Variants in NDUFA10 observed in about 807,000 individuals in gnomAD.
The protein encoded by NDUFA10 is NADH:ubiquinone oxidoreductase subunit A10.
A neutral mutation model predicts 47.8 loss-of-function variants in NDUFA10; 40 were observed. The ratio of observed to expected loss-of-function variants is 0.84; its 90% confidence interval spans 0.65 to 1.09. The LOEUF (loss-of-function observed/expected upper bound fraction) is 1.09, where lower values mean the gene tolerates loss of function less well. NDUFA10 is among the 50% of genes least tolerant of loss of function. The pLI is 0.00. For missense variants in NDUFA10, 413 were observed against 451.1 expected, an observed-to-expected ratio of 0.92 and a Z score of 0.76; for synonymous variants, 183 against 172.2, an observed-to-expected ratio of 1.06 and a Z score of -0.49.
intron 9 of NDUFA10, among the ~76,000 whole-genome samples, chr2:239,974,951 C>T (rs61494255): frequency 0.024 from 1,386 of 58,022 alleles, 11 homozygotes; most frequent in African/African-American, 0.032. Flanking sequence ...CATTTAAAAA[C>T]ATGTGACACT....
chr2:239,955,706 GA>G (rs1438731245), downstream of NDUFA10, among the ~76,000 whole-genome samples: 4 of 152,184 alleles, frequency 2.6e-5, no homozygotes, highest in African/African-American at 9.7e-5. Context: ...GGGCAGGAAG[GA>G]AAGATAGGGC....
At chr2:239,995,888 A>C (rs1163957169) in intron 8 of NDUFA10, among the ~76,000 whole-genome samples, 1 of 152,226 alleles carries the variant, frequency 6.6e-6, no homozygotes, top group African/African-American at 2.4e-5. Flanking sequence ...GAAGATAATA[A>C]CCTAAGATAA....
At chr2:239,905,491 G>A (rs994268901) in intron 4 of NDUFA10, among the ~76,000 whole-genome samples, 39 of 152,224 alleles carry the variant, frequency 2.6e-4, no homozygotes, top group African/African-American at 7.5e-4. Context: ...GGGTATGTGC[G>A]TCTACACGCG....
intron 5 of NDUFA10, among the ~76,000 whole-genome samples, chr2:239,893,890 C>A (rs1039522316): frequency 2.0e-5 from 3 of 150,306 alleles, no homozygotes; most frequent in African/African-American, 7.4e-5. Context: ...AGCCTCATTC[C>A]CTCTCCCTGC....
intron 4 of NDUFA10, among the ~76,000 whole-genome samples, chr2:239,902,005 T>G (rs950203690): frequency 6.6e-6 from 1 of 152,092 alleles, no homozygotes; most frequent in Non-Finnish European, 1.5e-5. Context: ...GAGAAAGTGG[T>G]TTCATGAAAT....
chr2:239,963,297 C>G (rs913752211), intron 9 of NDUFA10, among the ~76,000 whole-genome samples: 1 of 152,226 alleles, frequency 6.6e-6, no homozygotes, highest in Non-Finnish European at 1.5e-5. Flanking sequence ...GGCAGCTAGT[C>G]TGGCAGAGTC....
In NDUFA10 at chr2:239,930,883, G is replaced by A. The variant is rs563742550; in HGVS notation, c.295-35569C>T. Among the ~76,000 whole-genome samples the A allele has an allele frequency of 2.3e-3, 206 of 88,592 alleles. 2 individuals carry two copies. Among genetic ancestry groups the A allele is most frequent in the Non-Finnish European group, 3.4e-3 (146 of 42,936 alleles). The allele number at this position is 88,592 out of a possible 152,430, so 58.1% of individuals were successfully genotyped here. ...TGCCCAGGAGGGGGGGCAGGGTCCAGGAGGGGTGTGGCAGGGAGGGAGGTC... is the reference window on the plus strand; with the variant it reads ...TGCCCAGGAGGGGGGGCAGGGTCCAAGAGGGGTGTGGCAGGGAGGGAGGTC... On this transcript the variant is annotated intron_variant, in intron 4 of 5. Transcript: ENST00000419408.
intron 8 of NDUFA10, among the ~76,000 whole-genome samples, chr2:239,997,537 G>T (rs951790878): frequency 4.6e-5 from 7 of 152,134 alleles, no homozygotes; most frequent in Admixed American, 4.6e-4. Context: ...ATATTCCGGA[G>T]AATCATTTTG....
chr2:240,014,593 G>A (rs1487450052), intron 5 of NDUFA10, 146 bp downstream of exon 5: 8 of 1,296,130 alleles, frequency 6.2e-6, no homozygotes, highest in Non-Finnish European at 8.8e-6. Context: ...CCCTGCAGAT[G>A]CCCTCTCTCA....
chr2:240,014,743 C>T lies in NDUFA10; in HGVS notation c.665G>A (p.Gly222Glu), dbSNP rs1697273426. Residue 222 changes from glycine to glutamate, a missense_variant, in exon 5 of 10, where the codon GGA (glycine) becomes GAA (glutamate). Coordinates refer to ENST00000252711, the MANE Select transcript of NDUFA10 (RefSeq NM_004544.4). ...PEVQRRIQKKGDPHEMKITSA... is the reference protein window; with the variant it reads ...PEVQRRIQKKEDPHEMKITSA... ...TTTGATTGAAAACTGCATTACATCT[C>T]CTTTCTTCTGAATCCGCCTCTGGAC... is the stretch of plus-strand genomic sequence containing the variant. 6.2e-7 allele frequency: 1 copy of T among 1,614,084 alleles called. No homozygotes were observed. Among genetic ancestry groups the T allele is most frequent in the Admixed American group, 1.7e-5 (1 of 60,014 alleles).
In NDUFA10 at chr2:239,983,716, C is replaced by T. The variant is rs754635011; in HGVS notation, c.999+6358G>A. The T allele has an allele frequency of 3.1e-5, 49 of 1,566,114 alleles. No individual in the cohort carries two copies. In the Admixed American group the frequency reaches 7.5e-4, roughly 24 times the overall value. On this transcript the variant is annotated intron_variant, in intron 9 of 9. Transcript: ENST00000252711. Reference sequence around the variant, plus strand: ...CCCAAAACACACAGTCCAATCTAATCGCTAGAGAAACATCGGGCAACCCTC... The same window carrying T: ...CCCAAAACACACAGTCCAATCTAATTGCTAGAGAAACATCGGGCAACCCTC...
At chr2:239,997,723 T>C (rs948511458) in intron 8 of NDUFA10, among the ~76,000 whole-genome samples, 13 of 152,272 alleles carry the variant, frequency 8.5e-5, no homozygotes, top group Admixed American at 2.6e-4. Flanking sequence ...GCAGATTATG[T>C]AGTGTCGGAG....
chr2:239,995,930 A>ATAT (rs1491467004), intron 8 of NDUFA10, among the ~76,000 whole-genome samples: 7 of 152,342 alleles, frequency 4.6e-5, no homozygotes, highest in Admixed American at 3.3e-4. Flanking sequence ...GTACCTCAAA[A>ATAT]TATATGATGC....
downstream of NDUFA10, among the ~76,000 whole-genome samples, chr2:239,954,850 C>CA (rs1694622000): frequency 6.6e-6 from 1 of 152,126 alleles, no homozygotes; most frequent in Admixed American, 6.5e-5. Context: ...ATGTTGGCGA[C>CA]ACAGCCCGGA....
chr2:239,972,524 T>C (rs912548314), intron 9 of NDUFA10, among the ~76,000 whole-genome samples: 5 of 152,200 alleles, frequency 3.3e-5, no homozygotes, highest in South Asian at 2.1e-4. Context: ...AAGAGCACTA[T>C]AGATATTAAA....
chr2:239,899,561 G>A (rs911409714), intron 4 of NDUFA10, among the ~76,000 whole-genome samples: 1 of 151,918 alleles, frequency 6.6e-6, no homozygotes, highest in Admixed American at 6.6e-5. Context: ...AGAGCTTCCA[G>A]GCCAGGTACC....
intron 4 of NDUFA10, among the ~76,000 whole-genome samples, chr2:239,911,778 C>A (rs968474681): frequency 1.3e-5 from 2 of 151,924 alleles, no homozygotes; most frequent in Non-Finnish European, 2.9e-5. Flanking sequence ...CTTGTGCACA[C>A]ACACACCACA....
chr2:239,914,306 AAC>A (rs1001806414), intron 4 of NDUFA10, among the ~76,000 whole-genome samples: 25 of 151,028 alleles, frequency 1.7e-4, no homozygotes, highest in African/African-American at 5.6e-4. Flanking sequence ...GAGATACTCA[AAC>A]ACACACACAG....
chr2:239,981,695 C>T (rs1695780549), intron 9 of NDUFA10, among the ~76,000 whole-genome samples: 1 of 152,152 alleles, frequency 6.6e-6, no homozygotes, highest in Admixed American at 6.5e-5. Flanking sequence ...GGACAATACC[C>T]ATCATAAAAC....
Sources: gnomAD v4.1 joint callset for allele counts (sites outside exome capture counted in the v4.1 genomes callset) on GRCh38, gnomAD v4.1.1 for gene constraint, MANE v1.5 for transcripts, NCBI Gene and HGNC (gene_info 2026-07-23, HGNC 2026-07-21) for gene names.